ACER2: variants seen among roughly 807,000 people sequenced by gnomAD.
The protein encoded by ACER2 is alkCDase 2.
Under a neutral mutation model 34.7 loss-of-function variants are expected in ACER2, and 26 were observed. The observed-to-expected ratio is 0.75, with a 90% CI of 0.55 to 1.04. ACER2 has a LOEUF of 1.04. ACER2 is among the 50% of genes least tolerant of loss of function. ACER2 has a pLI of 0.00. For synonymous variants in ACER2, 138 were observed against 132.1 expected, an observed-to-expected ratio of 1.04 and a Z score of -0.31; for missense variants, 352 against 340.8, an observed-to-expected ratio of 1.03 and a Z score of -0.26.
At chr9:19,409,308 AGG>A in intron 1 of ACER2, 116 bp downstream of exon 1, 1 of 1,001,426 alleles carries the variant, frequency 1.0e-6, no homozygotes, top group East Asian at 2.6e-5. Context: ...CATTCTCTCC[AGG>A]GGCTGAGTCA....
intron 1 of ACER2, among the ~76,000 whole-genome samples, chr9:19,415,354 T>A (rs1406980835): frequency 1.3e-5 from 2 of 152,006 alleles, no homozygotes; most frequent in Non-Finnish European, 2.9e-5. Context: ...TAGATGGGCA[T>A]GATGGCACTT....
At chr9:19,433,900 C>G (rs1784424770) in intron 3 of ACER2, among the ~76,000 whole-genome samples, 1 of 147,770 alleles carries the variant, frequency 6.8e-6, no homozygotes, top group Admixed American at 6.7e-5. Flanking sequence ...GGCGGCTGGC[C>G]GGGTAGGGGG....
chr9:19,436,252 C>A (rs1830970224), intron 4 of ACER2, among the ~76,000 whole-genome samples: 1 of 151,962 alleles, frequency 6.6e-6, no homozygotes, highest in African/African-American at 2.4e-5. Flanking sequence ...AGTCTGGCTC[C>A]CCTCCCCATC....
intron 3 of ACER2, among the ~76,000 whole-genome samples, chr9:19,434,028 C>T (rs1292673154): frequency 2.6e-4 from 38 of 147,530 alleles, no homozygotes; most frequent in Admixed American, 2.0e-3. Flanking sequence ...GGGCGGCTGC[C>T]GGGCGGAGGG....
Position 19,442,347 on chromosome 9 carries a change from T to C in ACER2, c.504-3934T>C, listed in dbSNP as rs145774661. On this transcript the variant is annotated intron_variant, in intron 4 of 5. Coordinates refer to ENST00000340967, the MANE Select transcript of ACER2 (RefSeq NM_001010887.3). ...TTTGTCCGCCCTTTTTCACTTCACATTGATATTTTGATAAAAGCCCTGAGA... is the reference window on the plus strand; with the variant it reads ...TTTGTCCGCCCTTTTTCACTTCACACTGATATTTTGATAAAAGCCCTGAGA... Among the ~76,000 whole-genome samples, 10 of 152,342 alleles carry C rather than the reference T, an allele frequency of 6.6e-5. No individual in the cohort carries two copies. The East Asian group carries it at 1.5e-3, about 23-fold the overall frequency.
intron 1 of ACER2, among the ~76,000 whole-genome samples, chr9:19,410,389 C>CT (rs1172028888): frequency 6.6e-6 from 1 of 152,096 alleles, no homozygotes; most frequent in African/African-American, 2.4e-5. Context: ...ACTCCTGCTC[C>CT]TTTTTTTATG....
chr9:19,429,378 C>T (rs777407277), intron 3 of ACER2, among the ~76,000 whole-genome samples: 1 of 152,144 alleles, frequency 6.6e-6, no homozygotes, highest in Non-Finnish European at 1.5e-5. Context: ...GTTGCCCAGG[C>T]TGGAGTGCAG....
In ACER2 at chr9:19,425,441, G is replaced by T. The variant is rs147492413; in HGVS notation, c.365+600G>T. On this transcript the variant is annotated intron_variant, in intron 3 of 5. Coordinates refer to ENST00000340967, the MANE Select transcript of ACER2 (RefSeq NM_001010887.3). Reference sequence around the variant, plus strand: ...TAGCCATTGTGTTAGGGTTATACAGGTATTCATCCAGCAAATATTTTTGAA... The same window carrying T: ...TAGCCATTGTGTTAGGGTTATACAGTTATTCATCCAGCAAATATTTTTGAA... Among the ~76,000 whole-genome samples, 1,297 of 152,306 alleles carry T rather than the reference G, an allele frequency of 8.5e-3. 10 individuals are homozygous for T. Among genetic ancestry groups the T allele is most frequent in the African/African-American group, 0.03 (1,242 of 41,554 alleles).
chr9:19,428,279 T>C (rs574901293), intron 3 of ACER2, among the ~76,000 whole-genome samples: 1 of 152,040 alleles, frequency 6.6e-6, no homozygotes, highest in Non-Finnish European at 1.5e-5. Flanking sequence ...GTGATTCTCC[T>C]GCCTCAGCCT....
intron 5 of ACER2, among the ~76,000 whole-genome samples, chr9:19,447,268 T>G (rs930561845): frequency 2.6e-5 from 4 of 152,166 alleles, no homozygotes; most frequent in African/African-American, 9.7e-5. Flanking sequence ...TGGAAAAACT[T>G]TGTTAGATCT....
chr9:19,449,316 A>G (rs554515714), intron 5 of ACER2, among the ~76,000 whole-genome samples: 34 of 152,322 alleles, frequency 2.2e-4, no homozygotes, highest in Middle Eastern at 3.4e-3. Context: ...CACGAGGCCA[A>G]TCTGGTTCAT....
chr9:19,448,997 G>A (rs958029498), intron 5 of ACER2, among the ~76,000 whole-genome samples: 1 of 152,104 alleles, frequency 6.6e-6, no homozygotes, highest in African/African-American at 2.4e-5. Flanking sequence ...AAAATTAGCC[G>A]GATGTGCATG....
chr9:19,426,219 C>CTTT (rs138630695), intron 3 of ACER2, among the ~76,000 whole-genome samples: 5 of 123,366 alleles, frequency 4.1e-5, no homozygotes, highest in Admixed American at 7.7e-5. Flanking sequence ...AACTGGTTGA[C>CTTT]TTTTTTTTTA....
At chr9:19,445,040 A>G (rs1240938611) in intron 4 of ACER2, among the ~76,000 whole-genome samples, 4 of 152,150 alleles carry the variant, frequency 2.6e-5, no homozygotes, top group Admixed American at 2.0e-4. Flanking sequence ...AACAAAGAGG[A>G]ATTAAGCTTC....
intron 4 of ACER2, among the ~76,000 whole-genome samples, chr9:19,444,525 G>C (rs1257751202): frequency 1.3e-5 from 2 of 152,146 alleles, no homozygotes; most frequent in Non-Finnish European, 2.9e-5. Flanking sequence ...ATCTCATAAT[G>C]TTTTAAGAAA....
intron 1 of ACER2, among the ~76,000 whole-genome samples, chr9:19,422,931 C>A (rs962939696): frequency 2.7e-5 from 4 of 150,780 alleles, no homozygotes; most frequent in Non-Finnish European, 5.9e-5. Context: ...ACTCGGGAGG[C>A]TGAGGCAGGA....
rs376024541 is a variant in ACER2, at chr9:19,428,768, A to G, written c.365+3927A>G. Reference sequence around the variant, plus strand: ...GGTGGTTATTATGAATGGCTTATGGACAAGTGGGTTTTTTTTTTTTTTTTT... The same window carrying G: ...GGTGGTTATTATGAATGGCTTATGGGCAAGTGGGTTTTTTTTTTTTTTTTT... On this transcript the variant is annotated intron_variant, in intron 3 of 5. Coordinates refer to ENST00000340967, the MANE Select transcript of ACER2 (RefSeq NM_001010887.3). Among the ~76,000 whole-genome samples the G allele has an allele frequency of 9.0e-3, 1,277 of 141,208 alleles. 23 individuals carry two copies. The highest frequency in any genetic ancestry group is 0.032 in the African/African-American group (1,216 of 37,742). The allele number at this position is 141,208 out of a possible 152,430, so 92.6% of individuals were successfully genotyped here. A position where few individuals can be genotyped will look rare whatever the true frequency, so the allele number is the denominator to read the frequency against.
chr9:19,409,924 C>T (rs1258550622), intron 1 of ACER2: 13 of 985,316 alleles, frequency 1.3e-5, no homozygotes, highest in Non-Finnish European at 1.6e-5. Flanking sequence ...GCAGAAACTT[C>T]CCCATTGCAG....
chr9:19,438,157 G>T (rs1281035311), intron 4 of ACER2, among the ~76,000 whole-genome samples: 1 of 152,160 alleles, frequency 6.6e-6, no homozygotes, highest in East Asian at 1.9e-4. Flanking sequence ...GAAACTTTGG[G>T]CATTTACTTC....
Sources: gnomAD v4.1 joint callset for allele counts (sites outside exome capture counted in the v4.1 genomes callset) on GRCh38, gnomAD v4.1.1 for gene constraint, MANE v1.5 for transcripts, NCBI Gene and HGNC (gene_info 2026-07-23, HGNC 2026-07-21) for gene names.